Variants in PPP1R7 observed in about 807,000 individuals in gnomAD.
The protein encoded by PPP1R7 is protein phosphatase 1 regulatory subunit 22.
A neutral mutation model predicts 45.2 loss-of-function variants in PPP1R7; 18 were observed. The ratio of observed to expected loss-of-function variants is 0.40; its 90% CI spans 0.28 to 0.59. The LOEUF (loss-of-function observed/expected upper bound fraction) is 0.59. Among genes scored for constraint, PPP1R7 ranks in the 20% least tolerant of loss-of-function variants. The probability of loss-of-function intolerance (pLI) is 0.46; values close to 1 mark genes in which losing one functional copy is unlikely to be tolerated. For synonymous variants in PPP1R7, 181 were observed against 183.4 expected (o/e 0.99, Z 0.11); for missense variants, 314 against 455.8 (o/e 0.69, Z 2.83).
At chr2:241,149,868 GAGCC>G (rs2067203483), upstream of PPP1R7, 3 of 1,454,564 alleles carry the variant, frequency 2.1e-6, no homozygotes, top group Admixed American at 2.6e-5. Flanking sequence ...TGGCGCCCCG[GAGCC>G]AGCCAGCTGG....
chr2:241,167,141 G>A (rs1472615780), intron 8 of PPP1R7: 10 of 1,407,910 alleles, frequency 7.1e-6, no homozygotes, highest in East Asian at 2.3e-5. Context: ...CCAGTGCGGT[G>A]TTCAAGACAA....
rs1574743164 is a variant in PPP1R7, at chr2:241,183,313, A to T, written c.*490A>T. The T allele has an allele frequency of 4.6e-6, 2 of 434,858 alleles. No individual in the cohort carries two copies. The highest frequency in any genetic ancestry group is 2.9e-5 in the Admixed American group (1 of 34,056). 26.9% of individuals were successfully genotyped at this position (434,858 alleles called of 1,614,324 possible). A position where few individuals can be genotyped will look rare whatever the true frequency, so the allele number is the denominator to read the frequency against. ...TTAACCCAGCCATTTTCAATTTTTT[A>T]AAAATTAGGTAAGTTAAAAAAGCTG... On this transcript the variant is annotated 3_prime_UTR_variant, in exon 10 of 10. Coordinates refer to ENST00000234038, the MANE Select transcript of PPP1R7 (RefSeq NM_002712.3).
At chr2:241,166,861 G>T (rs994786554) in intron 8 of PPP1R7, among the ~76,000 whole-genome samples, 1 of 152,056 alleles carries the variant, frequency 6.6e-6, no homozygotes, top group East Asian at 1.9e-4. Flanking sequence ...CCTGTCCATG[G>T]GTCCACTGGC....
At chr2:241,153,655 T>C (rs1439655685) in intron 2 of PPP1R7, 51 bp downstream of exon 2, 7 of 1,598,510 alleles carry the variant, frequency 4.4e-6, no homozygotes, top group Non-Finnish European at 6.0e-6. Context: ...GGATGTGGGC[T>C]GTGCTGCACG....
At chr2:241,153,327 G>C in intron 1 of PPP1R7, 149 bp from the exon 2 acceptor site, 1 of 1,068,612 alleles carries the variant, frequency 9.4e-7, no homozygotes, top group Non-Finnish European at 1.4e-6. Context: ...AATGGTGCTG[G>C]GACATGGGAG....
chr2:241,155,400 A>T (rs772482537), intron 2 of PPP1R7: 15 of 152,230 alleles, frequency 9.9e-5, no homozygotes, highest in Non-Finnish European at 2.1e-4. Flanking sequence ...CGAGATGATT[A>T]GCTGATTATG....
In PPP1R7 at chr2:241,158,052, G is replaced by A. The variant is rs145155484; in HGVS notation, c.237+190G>A. 5.9e-3 allele frequency among the ~76,000 whole-genome samples: 906 copies of A among 152,308 alleles called. 9 individuals are homozygous for A. Among genetic ancestry groups the A allele is most frequent in the African/African-American group, 0.021 (872 of 41,554 alleles). On this transcript the variant is annotated intron_variant, in intron 3 of 9. Coordinates refer to ENST00000234038, the MANE Select transcript of PPP1R7 (RefSeq NM_002712.3). ...CATGTCTATTCGACCCTTGAGGATT[G>A]TGTGGCAGATGAGATGCCTTTGACT... is the stretch of plus-strand genomic sequence containing the variant.
chr2:241,149,782 C>T (rs2067198278), upstream of PPP1R7: 5 of 1,535,636 alleles, frequency 3.3e-6, no homozygotes, highest in East Asian at 2.4e-5. Context: ...CGTTCATGGG[C>T]CGGGTGGCTC....
At chr2:241,170,983 A>G (rs1038735329) in intron 9 of PPP1R7, among the ~76,000 whole-genome samples, 1 of 152,144 alleles carries the variant, frequency 6.6e-6, no homozygotes, top group African/African-American at 2.4e-5. Flanking sequence ...GGAGTTGGCA[A>G]AGAAGCCAGG....
chr2:241,163,284 G>A lies in PPP1R7; in HGVS notation c.598-1G>A. 6.2e-7 allele frequency: 1 copy of A among 1,604,536 alleles called. No homozygotes were observed. The highest frequency in any genetic ancestry group is 8.5e-7 in the Non-Finnish European group (1 of 1,171,402). ...TCATTGCTGTTCTGTCCTTTCCACA[G>A]GCAATCGAAAATATCGACACCTTAA... On this transcript the variant is annotated splice_acceptor_variant, in intron 6 of 9. Coordinates refer to ENST00000234038, the MANE Select transcript of PPP1R7 (RefSeq NM_002712.3). LOFTEE classifies it high-confidence loss of function.
intron 9 of PPP1R7, among the ~76,000 whole-genome samples, chr2:241,180,423 C>T (rs866599423): frequency 3.1e-4 from 43 of 138,516 alleles, no homozygotes; most frequent in African/African-American, 1.1e-3. Flanking sequence ...GAAAAAATCG[C>T]AAAAAAATCT....
chr2:241,182,791 C>T lies in PPP1R7; in HGVS notation c.1051C>T (p.Arg351Trp). The change falls in exon 10 of 10, where the codon CGG becomes TGG. Residue 351 changes from arginine (R) to tryptophan (W), a missense_variant. By Grantham distance (101) the Arg-to-Trp change is moderately radical. Around this residue, in one of 3 missense-constraint regions of PPP1R7, gnomAD observed 168 missense variants for 285.3 expected, o/e 0.59. Transcript: ENST00000234038. ...RKVMLALPSV[R>W]QIDATFVRF ...GGTCATGCTCGCCCTCCCCTCCGTGCGGCAGATCGATGCCACGTTCGTCAG... is the reference window on the plus strand; with the variant it reads ...GGTCATGCTCGCCCTCCCCTCCGTGTGGCAGATCGATGCCACGTTCGTCAG... The T allele has an allele frequency of 6.2e-7, 1 of 1,613,746 alleles. No homozygotes were observed. Among genetic ancestry groups the T allele is most frequent in the Non-Finnish European group, 8.5e-7 (1 of 1,179,686 alleles).
In PPP1R7 at chr2:241,182,969, C is replaced by T. The variant is rs546452679; in HGVS notation, c.*146C>T. 296 of 856,336 alleles carry T rather than the reference C, an allele frequency of 3.5e-4. 6 individuals are homozygous for T. The South Asian group carries it at 4.7e-3, about 13-fold the overall frequency. The allele number at this position is 856,336 out of a possible 1,614,324, so 53.0% of individuals were successfully genotyped here. On this transcript the variant is annotated 3_prime_UTR_variant, in exon 10 of 10. Transcript: ENST00000234038. ...AAAGGCACTGACGATAGCTGGCGCG[C>T]GCGACGTCACACACCATTTTCAGAT...
intron 8 of PPP1R7, 47 bp downstream of exon 8, chr2:241,166,488 A>G (rs1478210964): frequency 2.6e-6 from 4 of 1,547,170 alleles, no homozygotes; most frequent in Admixed American, 3.5e-5. Context: ...GGTGGGCACC[A>G]GGCGGGCAGG....
At chr2:241,178,786 C>T (rs886563452) in intron 9 of PPP1R7, among the ~76,000 whole-genome samples, 3 of 145,518 alleles carry the variant, frequency 2.1e-5, no homozygotes, top group Non-Finnish European at 4.5e-5. Flanking sequence ...CTCGATGTGG[C>T]CGTGCCTGTG....
chr2:241,151,375 T>C (rs2067297836), intron 1 of PPP1R7: 1 of 461,254 alleles, frequency 2.2e-6, no homozygotes, highest in South Asian at 1.6e-5. Flanking sequence ...AATGTGGAGC[T>C]GGGGAAGGAG....
Position 241,182,739 on chromosome 2 carries a change from GC to G in PPP1R7, c.1000del (p.Gln334ArgfsTer118). The stretch of plus-strand genomic sequence containing the variant: ...CAGTGTACCTGGAGCGGAACCCCTT[GC>G]AGAAGGACCCCCAGTACCGGCGGAA... Reference protein sequence around the residue: ...ETVYLERNPLQKDPQYRRKVM... With the variant: ...ETVYLERNPLXKDPQYRRKVM... On this transcript the variant is annotated frameshift_variant, in exon 10 of 10. Transcript: ENST00000234038. LOFTEE classifies it high-confidence loss of function. 4 of 1,614,210 alleles carry G rather than the reference GC, an allele frequency of 2.5e-6. No homozygotes were observed. The highest frequency in any genetic ancestry group is 3.4e-6 in the Non-Finnish European group (4 of 1,180,046).
chr2:241,173,362 G>T (rs1338855403), intron 9 of PPP1R7, among the ~76,000 whole-genome samples: 1 of 150,996 alleles, frequency 6.6e-6, no homozygotes, highest in Non-Finnish European at 1.5e-5. Context: ...TCCTGCCTCA[G>T]CCTCCCAAAG....
chr2:241,169,098 T>C (rs1174238283), intron 8 of PPP1R7, among the ~76,000 whole-genome samples: 1 of 152,112 alleles, frequency 6.6e-6, no homozygotes, highest in African/African-American at 2.4e-5. Context: ...ATTTTCAGAG[T>C]AGAAGATCCT....
Sources: gnomAD v4.1 joint callset for allele counts (sites outside exome capture counted in the v4.1 genomes callset) on GRCh38, gnomAD v4.1.1 for gene constraint, gnomAD v4.1.1 regional missense constraint, MANE v1.5 for transcripts, NCBI Gene and HGNC (gene_info 2026-07-23, HGNC 2026-07-21) for gene names.